PTPRJ: variants seen among roughly 807,000 people sequenced by gnomAD.
PTPRJ encodes protein tyrosine phosphatase receptor type J, also known as receptor-type tyrosine-protein phosphatase eta.
In PTPRJ, 129 loss-of-function variants were observed where a neutral mutation model predicts 141.3. The ratio of observed to expected loss-of-function variants is 0.91; its 90% confidence interval spans 0.79 to 1.06. PTPRJ has a LOEUF of 1.06. PTPRJ is among the 50% of genes least tolerant of loss of function. The probability of loss-of-function intolerance (pLI) is 0.00; values close to 1 mark genes in which losing one functional copy is unlikely to be tolerated. For missense variants in PTPRJ, 1,601 were observed against 1,679.7 expected, an observed-to-expected ratio of 0.95 and a Z score of 0.82; for synonymous variants, 610 against 640.5, an observed-to-expected ratio of 0.95 and a Z score of 0.72.
chr11:48,096,807 C>G (rs1326127037), intron 1 of PTPRJ: 1 of 154,706 alleles, frequency 6.5e-6, no homozygotes, highest in Non-Finnish European at 1.5e-5. Context: ...AGAACAGAGG[C>G]CCAGATTGAA....
At chr11:48,053,237 A>ATTATTAT in intron 1 of PTPRJ, among the ~76,000 whole-genome samples, 1 of 89,428 alleles carries the variant, frequency 1.1e-5, no homozygotes, top group African/African-American at 4.9e-5. Context: ...TATTATATAT[A>ATTATTAT]ATATATTTAT....
Position 48,156,079 on chromosome 11 carries a change from A to G in PTPRJ, c.3398A>G (p.Tyr1133Cys), listed in dbSNP as rs752952372. 3 of 1,599,072 alleles carry G rather than the reference A, an allele frequency of 1.9e-6. No individual in the cohort carries two copies. Among genetic ancestry groups the G allele is most frequent in the Non-Finnish European group, 2.6e-6 (3 of 1,166,332 alleles). Residue 1133 changes from tyrosine to cysteine, a missense_variant, in exon 21 of 25, where the codon TAT (tyrosine) becomes TGT (cysteine). Physicochemically the swap from Tyr to Cys is radical, Grantham distance 194. Coordinates refer to ENST00000418331, the MANE Select transcript of PTPRJ (RefSeq NM_002843.4). Reference protein sequence around the residue: ...FWRMVWEKNVYAIIMLTKCVE... With the variant: ...FWRMVWEKNVCAIIMLTKCVE... ...CGTATGGTTTGGGAGAAAAATGTAT[A>G]TGCCATCATTATGTTGACTAAATGT...
intron 1 of PTPRJ, among the ~76,000 whole-genome samples, chr11:48,032,492 G>T (rs182965346): frequency 6.6e-6 from 1 of 152,182 alleles, no homozygotes; most frequent in Non-Finnish European, 1.5e-5. Flanking sequence ...GGTGGCTCAC[G>T]CCTATAATCC....
intron 1 of PTPRJ, among the ~76,000 whole-genome samples, chr11:47,987,521 G>A (rs539566654): frequency 6.6e-6 from 1 of 152,344 alleles, no homozygotes; most frequent in East Asian, 1.9e-4. Context: ...GACTCAGATA[G>A]CACCAACCAA....
At chr11:48,085,578 C>T (rs945822430) in intron 1 of PTPRJ, among the ~76,000 whole-genome samples, 10 of 152,154 alleles carry the variant, frequency 6.6e-5, no homozygotes, top group Non-Finnish European at 1.2e-4. Context: ...CTCCTGACCT[C>T]AGGTGATCCA....
At chr11:48,118,244 A>G (rs895670060) in intron 3 of PTPRJ, among the ~76,000 whole-genome samples, 3 of 152,152 alleles carry the variant, frequency 2.0e-5, no homozygotes, top group Non-Finnish European at 4.4e-5. Flanking sequence ...CACTACATCC[A>G]GCTAACTTTT....
intron 1 of PTPRJ, among the ~76,000 whole-genome samples, chr11:48,070,560 T>A (rs1418393311): frequency 1.3e-5 from 2 of 151,404 alleles, no homozygotes; most frequent in East Asian, 3.9e-4. Flanking sequence ...GATCAGTAGA[T>A]TTAGATCTCC....
At chr11:48,132,130 G>A (rs1490108926) in intron 8 of PTPRJ, 8 of 985,328 alleles carry the variant, frequency 8.1e-6, no homozygotes, top group Non-Finnish European at 9.6e-6. Context: ...GTCAAGATGT[G>A]TTAGAAATTA....
rs757982478 is a variant in PTPRJ at position 48,139,754 on chromosome 11, C to T, written c.2421C>T (p.Asn807=). ...SCGKMAAPTR[N]TCTTGITDPP... ...GAAAGATGGCAGCCCCCACCCGGAA[C>T]ACCTGCACTACTGGCATCACAGGTG... The change falls in exon 11 of 25, where the codon AAC becomes AAT. Residue 807 remains asparagine (N), a synonymous_variant. Coordinates refer to ENST00000418331, the MANE Select transcript of PTPRJ (RefSeq NM_002843.4). 2 of 1,614,102 alleles carry T rather than the reference C, an allele frequency of 1.2e-6. No homozygotes were observed. The highest frequency in any genetic ancestry group is 8.5e-7 in the Non-Finnish European group (1 of 1,180,044).
At chr11:48,089,445 G>A (rs1855804486) in intron 1 of PTPRJ, among the ~76,000 whole-genome samples, 1 of 151,466 alleles carries the variant, frequency 6.6e-6, no homozygotes, top group African/African-American at 2.4e-5. Flanking sequence ...GAACCCGGGA[G>A]GCAGAGGTTA....
chr11:48,014,453 C>A (rs1249211742), intron 1 of PTPRJ: 1 of 152,136 alleles, frequency 6.6e-6, no homozygotes. Flanking sequence ...TTTTTAGGAA[C>A]CTGCTGTAGG....
intron 1 of PTPRJ, among the ~76,000 whole-genome samples, chr11:47,991,375 G>T (rs2134179081): frequency 6.6e-6 from 1 of 152,216 alleles, no homozygotes; most frequent in East Asian, 1.9e-4. Flanking sequence ...GCTGCCTCCT[G>T]TCTCTCGGTA....
intron 1 of PTPRJ, among the ~76,000 whole-genome samples, chr11:48,032,832 C>T (rs1052937017): frequency 2.0e-5 from 3 of 152,224 alleles, no homozygotes; most frequent in Non-Finnish European, 2.9e-5. Flanking sequence ...TTATTCAACA[C>T]AGTTTGTTCC....
Position 47,983,261 on chromosome 11 carries a change from G to A in PTPRJ, c.96+2253G>A, listed in dbSNP as rs529021884. 2.1e-4 allele frequency among the ~76,000 whole-genome samples: 32 copies of A among 152,270 alleles called. No individual in the cohort carries two copies. The South Asian group carries it at 5.4e-3, about 26-fold the overall frequency. ...CGTATCACTGTGTCTTCTCAAAATG[G>A]TGGGTGTGAATGGAATTTTTCAAAG... On this transcript the variant is annotated intron_variant, in intron 1 of 24. Transcript: ENST00000418331.
rs760559501 is a variant in PTPRJ at position 48,139,608 on chromosome 11, T to G, written c.2275T>G (p.Trp759Gly). 1 of 1,614,126 alleles carries G rather than the reference T, an allele frequency of 6.2e-7. No homozygotes were observed. Among genetic ancestry groups the G allele is most frequent in the African/African-American group, 1.3e-5 (1 of 74,952 alleles). ...GFELEVSSGA[W>G]NNATHLESCS... ...TGAGCTGGAGGTCAGCAGTGGAGCC[T>G]GGAACAATGCGACCCACCTGGAGAG... The change falls in exon 11 of 25, where the codon TGG becomes GGG. Residue 759 changes from tryptophan to glycine, a missense_variant. By Grantham distance (184) the Trp-to-Gly change is radical. Coordinates refer to ENST00000418331, the MANE Select transcript of PTPRJ (RefSeq NM_002843.4).
At chr11:48,049,024 T>TA (rs894408376) in intron 1 of PTPRJ, among the ~76,000 whole-genome samples, 2 of 152,036 alleles carry the variant, frequency 1.3e-5, no homozygotes, top group African/African-American at 2.4e-5. Context: ...AACCTTCACT[T>TA]ATAGTCCGGA....
intron 1 of PTPRJ, among the ~76,000 whole-genome samples, chr11:48,050,396 A>G (rs1000562878): frequency 2.6e-5 from 4 of 152,176 alleles, no homozygotes; most frequent in African/African-American, 4.8e-5. Flanking sequence ...ATGAACGTAC[A>G]TTGACATATC....
At chr11:48,049,032 G>A (rs866259367) in intron 1 of PTPRJ, among the ~76,000 whole-genome samples, 4 of 152,082 alleles carry the variant, frequency 2.6e-5, no homozygotes, top group East Asian at 3.9e-4. Context: ...CTTATAGTCC[G>A]GAGCAGGGTG....
At chr11:48,024,500 A>G (rs571595434) in intron 1 of PTPRJ, among the ~76,000 whole-genome samples, 20 of 152,072 alleles carry the variant, frequency 1.3e-4, no homozygotes, top group African/African-American at 4.8e-4. Context: ...GCCTGGTCTT[A>G]TATTTCTTTT....
Sources: gnomAD v4.1 joint callset for allele counts (sites outside exome capture counted in the v4.1 genomes callset) on GRCh38, gnomAD v4.1.1 for gene constraint, MANE v1.5 for transcripts, NCBI Gene and HGNC (gene_info 2026-07-23, HGNC 2026-07-21) for gene names.